WDR73: variants seen among roughly 807,000 people sequenced by gnomAD.
WDR73 encodes WD repeat domain 73, also known as integrator complex assembly factor WDR73.
Under a neutral mutation model 38.2 loss-of-function variants are expected in WDR73, and 30 were observed. That is an observed-to-expected ratio of 0.79 (90% CI 0.59 to 1.06). WDR73 has a LOEUF of 1.06. Among genes scored for constraint, WDR73 ranks in the 50% least tolerant of loss-of-function variants. The pLI is 0.00. For missense variants in WDR73, 487 were observed against 467.0 expected (o/e 1.04, Z -0.40); for synonymous variants, 197 against 176.0 (o/e 1.12, Z -0.94).
chr15:84,645,078 G>C (rs1314978575), intron 7 of WDR73: 1 of 506,930 alleles, frequency 2.0e-6, no homozygotes, highest in Non-Finnish European at 2.8e-6. Flanking sequence ...AGCCTCCTAA[G>C]TAGCTGGGAC....
At chr15:84,650,214 A>G (rs1244389645) in intron 3 of WDR73, among the ~76,000 whole-genome samples, 1 of 152,160 alleles carries the variant, frequency 6.6e-6, no homozygotes, top group African/African-American at 2.4e-5. Flanking sequence ...ACGGAGTGTC[A>G]TGCTGTTACC....
At chr15:84,652,074 G>T (rs1896641793) in intron 3 of WDR73, among the ~76,000 whole-genome samples, 1 of 152,118 alleles carries the variant, frequency 6.6e-6, no homozygotes, top group African/African-American at 2.4e-5. Context: ...CACCATGTTG[G>T]TCAGGATGGT....
chr15:84,648,536 C>T lies in WDR73; in HGVS notation c.287+1G>A. The T allele has an allele frequency of 1.2e-6, 2 of 1,611,684 alleles. No homozygotes were observed. The highest frequency in any genetic ancestry group is 1.7e-6 in the Non-Finnish European group (2 of 1,177,840). On this transcript the variant is annotated splice_donor_variant, in intron 4 of 7. Coordinates refer to ENST00000434634, the MANE Select transcript of WDR73 (RefSeq NM_032856.5). LOFTEE classifies it high-confidence loss of function. ...TGGCTGGATCACAAAATTGACCATA[C>T]CTGGTATGTGGCACATGCTTTAGAT...
At chr15:84,653,961 T>G in intron 1 of WDR73, 1 of 603,946 alleles carries the variant, frequency 1.7e-6, no homozygotes, top group South Asian at 2.0e-5. Context: ...ATCTGTGTTC[T>G]GAGCTGAACT....
Position 84,654,267 on chromosome 15 carries a change from G to C in WDR73, c.8C>G (p.Pro3Arg), listed in dbSNP as rs368919799. 6.8e-6 allele frequency: 11 copies of C among 1,613,848 alleles called. No homozygotes were observed. Among genetic ancestry groups the C allele is most frequent in the African/African-American group, 5.3e-5 (4 of 74,948 alleles). MDPGDDWLVESLR... is the reference protein window; with the variant it reads MDRGDDWLVESLR... The stretch of plus-strand genomic sequence containing the variant: ...GGATTCCACCAGCCAGTCGTCCCCA[G>C]GATCCATGGCAACGACCGCTTCCGG... Residue 3 changes from proline (P) to arginine (R), a missense_variant, in exon 1 of 8, where the codon CCT becomes CGT. Coordinates refer to ENST00000434634, the MANE Select transcript of WDR73 (RefSeq NM_032856.5).
intron 3 of WDR73, among the ~76,000 whole-genome samples, chr15:84,651,025 G>A (rs1896607148): frequency 6.6e-6 from 1 of 152,022 alleles, no homozygotes; most frequent in Non-Finnish European, 1.5e-5. Context: ...TGAAGTGGGA[G>A]GATGGCTTGA....
Position 84,641,794 on chromosome 15 carries a change from C to T in WDR73, c.*1676G>A, listed in dbSNP as rs1374035595. ...GGCCCCCCACAAAGTGCTGGGATTA[C>T]AGGCGTGAGCCACTGTGCCTGGTCT... On this transcript the variant is annotated 3_prime_UTR_variant, in exon 8 of 8. Coordinates refer to ENST00000434634, the MANE Select transcript of WDR73 (RefSeq NM_032856.5). 1 of 152,190 alleles carries T rather than the reference C, an allele frequency of 6.6e-6. No homozygotes were observed. The highest frequency in any genetic ancestry group is 1.5e-5 in the Non-Finnish European group (1 of 68,026). 9.4% of individuals were successfully genotyped at this position (152,190 alleles called of 1,614,324 possible). A position where few individuals can be genotyped will look rare whatever the true frequency, so the allele number is the denominator to read the frequency against.
Position 84,643,516 on chromosome 15 carries a change from G to A in WDR73, c.1091C>T (p.Ala364Val), listed in dbSNP as rs1223200790. The change falls in exon 8 of 8, where the codon GCC (alanine) becomes GTC (valine). Residue 364 changes from alanine to valine, a missense_variant. Physicochemically the swap from Ala to Val is moderately conservative, Grantham distance 64. Coordinates refer to ENST00000434634, the MANE Select transcript of WDR73 (RefSeq NM_032856.5). ...CACCCAGTCCCACACATGCAGAGAG[G>A]CATCATTTGTTGCTGATAACAAAGT... ...PRTLLSATND[A>V]SLHVWDWVDL... 3 of 1,585,422 alleles carry A rather than the reference G, an allele frequency of 1.9e-6. No individual in the cohort carries two copies. Among genetic ancestry groups the A allele is most frequent in the East Asian group, 2.3e-5 (1 of 43,696 alleles).
chr15:84,649,043 G>A (rs1414175564), intron 3 of WDR73, among the ~76,000 whole-genome samples: 3 of 152,172 alleles, frequency 2.0e-5, no homozygotes, highest in Non-Finnish European at 2.9e-5. Context: ...TGTGTCAGGC[G>A]CAGTGTTTAG....
intron 5 of WDR73, chr15:84,647,640 G>T: frequency 2.1e-6 from 1 of 486,856 alleles, no homozygotes; most frequent in Non-Finnish European, 3.8e-6. Context: ...GGGATTACAG[G>T]TGCCTACCAC....
chr15:84,649,754 G>T (rs1341571717), intron 3 of WDR73, among the ~76,000 whole-genome samples: 1 of 152,036 alleles, frequency 6.6e-6, no homozygotes, highest in Non-Finnish European at 1.5e-5. Context: ...ACAGACATAA[G>T]CCACCACACC....
intron 5 of WDR73, 76 bp from the exon 6 acceptor site, chr15:84,646,424 C>G: frequency 6.5e-7 from 1 of 1,527,190 alleles, no homozygotes; most frequent in Non-Finnish European, 8.8e-7. Context: ...AGCTGTCTTC[C>G]CCTGTACATT....
Position 84,640,106 on chromosome 15 carries a change from T to TGGA in WDR73, c.*3361_*3363dup, listed in dbSNP as rs1435242997. ...ATGTGGCGGGATGGTAATGAAATAG[T>TGGA]GGAGGAGTCTCAAGAGGAATCCTGG... On this transcript the variant is annotated 3_prime_UTR_variant, in exon 8 of 8. Coordinates refer to ENST00000434634, the MANE Select transcript of WDR73 (RefSeq NM_032856.5). The TGGA allele has an allele frequency of 6.6e-6, 1 of 151,978 alleles. No homozygotes were observed. The highest frequency in any genetic ancestry group is 6.6e-5 in the Admixed American group (1 of 15,244). 9.4% of individuals were successfully genotyped at this position (151,978 alleles called of 1,614,324 possible).
At position 84,648,333 on chromosome 15, in the gene WDR73, A is replaced by G. The variant is rs537698484; in HGVS notation, c.287+204T>C. On this transcript the variant is annotated intron_variant, in intron 4 of 7. Coordinates refer to ENST00000434634, the MANE Select transcript of WDR73 (RefSeq NM_032856.5). ...TAGAACTGTTACTTACATTAGTCCA[A>G]GGGCTCTGGGGGGCTATGAAGCCAC... is the stretch of plus-strand genomic sequence containing the variant. The G allele has an allele frequency of 6.8e-6, 4 of 590,658 alleles. No individual in the cohort carries two copies. In the East Asian group the frequency reaches 1.1e-4, roughly 16 times the overall value. The allele number at this position is 590,658 out of a possible 1,614,324, so 36.6% of individuals were successfully genotyped here.
At chr15:84,648,753 T>G in intron 3 of WDR73, 128 bp from the exon 4 acceptor site, 1 of 710,826 alleles carries the variant, frequency 1.4e-6, no homozygotes, top group African/African-American at 1.8e-5. Context: ...TGAAAGGGCG[T>G]TGGTGTCCTG....
At chr15:84,653,382 C>G (rs1455591681) in intron 2 of WDR73, 1 of 391,346 alleles carries the variant, frequency 2.6e-6, no homozygotes, top group African/African-American at 2.1e-5. Context: ...GTTGGCCAGA[C>G]TGGTCTCGAA....
At chr15:84,648,739 CT>C in intron 3 of WDR73, 114 bp from the exon 4 acceptor site, 1 of 792,234 alleles carries the variant, frequency 1.3e-6, no homozygotes, top group East Asian at 2.5e-5. Context: ...AGCCACTCAG[CT>C]GGTGAAAGGG....
At position 84,643,533 on chromosome 15, in the gene WDR73, TA is replaced by T; in HGVS notation, c.1073del (p.Leu358TyrfsTer45). On this transcript the variant is annotated frameshift_variant, in exon 8 of 8. Transcript: ENST00000434634. LOFTEE classifies it high-confidence loss of function. ...TWHPCRPRTL[L>X]SATNDASLHV... ...GCAGAGAGGCATCATTTGTTGCTGA[TA>T]ACAAAGTCCTTGGTCTGCAGGGATG... 1 of 1,601,988 alleles carries T rather than the reference TA, an allele frequency of 6.2e-7. No homozygotes were observed.
chr15:84,646,500 G>A lies in WDR73; in HGVS notation c.353-152C>T, dbSNP rs541306708. 1.1e-4 allele frequency: 126 copies of A among 1,135,842 alleles called. 1 individual carries two copies. In the South Asian group the frequency reaches 2.4e-3, roughly 21 times the overall value. 70.4% of individuals were successfully genotyped at this position (1,135,842 alleles called of 1,614,324 possible). ...GATGATGTTGAGACATAACTACTCT[G>A]GCTTATGTTTACATTTTTGAAACCA... is the stretch of plus-strand genomic sequence containing the variant. On this transcript the variant is annotated intron_variant, in intron 5 of 7. Transcript: ENST00000434634.
Sources: allele counts gnomAD v4.1 joint callset (sites outside exome capture counted in the v4.1 genomes callset), GRCh38; gene constraint gnomAD v4.1.1; transcripts MANE v1.5; gene names NCBI Gene and HGNC (gene_info 2026-07-23, HGNC 2026-07-21).